SLC9A9: variants seen among roughly 807,000 people sequenced by gnomAD.
SLC9A9 encodes the protein sodium/hydrogen exchanger 9.
A neutral mutation model predicts 77.8 loss-of-function variants in SLC9A9; 62 were observed. The observed-to-expected ratio is 0.80, with a 90% CI of 0.65 to 0.98. SLC9A9 has a LOEUF of 0.98. SLC9A9 is among the 50% of genes least tolerant of loss of function. SLC9A9 has a pLI of 0.00. For missense variants in SLC9A9, 775 were observed against 774.9 expected (o/e 1.00, Z 0.00); for synonymous variants, 320 against 283.5 (o/e 1.13, Z -1.29).
chr3:143,421,748 TTAAAC>T (rs1455308181), intron 12 of SLC9A9, among the ~76,000 whole-genome samples: 4 of 152,036 alleles, frequency 2.6e-5, no homozygotes, highest in Admixed American at 1.3e-4. Context: ...CAAGCAGAAC[TTAAAC>T]TAAAGAGCTT....
intron 12 of SLC9A9, among the ~76,000 whole-genome samples, chr3:143,408,410 T>G (rs925946093): frequency 6.6e-6 from 1 of 152,204 alleles, no homozygotes; most frequent in Non-Finnish European, 1.5e-5. Context: ...AACTCACAGC[T>G]AGCAATGTTC....
At chr3:143,613,037 T>C (rs2038047363) in intron 6 of SLC9A9, among the ~76,000 whole-genome samples, 1 of 152,356 alleles carries the variant, frequency 6.6e-6, no homozygotes, top group South Asian at 2.1e-4. Context: ...CCCAATAACA[T>C]ACTGCTTGTA....
intron 4 of SLC9A9, among the ~76,000 whole-genome samples, chr3:143,702,475 A>T (rs1211078472): frequency 6.6e-6 from 1 of 152,136 alleles, no homozygotes; most frequent in South Asian, 2.1e-4. Flanking sequence ...TTGTTTGCTT[A>T]TGCAAACAGT....
intron 5 of SLC9A9, among the ~76,000 whole-genome samples, chr3:143,657,394 A>T (rs1391690781): frequency 6.6e-6 from 1 of 152,164 alleles, no homozygotes; most frequent in Non-Finnish European, 1.5e-5. Flanking sequence ...GCATGCACAC[A>T]CTTGTAGCCT....
At chr3:143,428,294 G>A (rs548118858) in intron 12 of SLC9A9, among the ~76,000 whole-genome samples, 30 of 66,142 alleles carry the variant, frequency 4.5e-4, no homozygotes, top group African/African-American at 1.9e-3. Flanking sequence ...ACATTTTTCA[G>A]AATATACAAA....
At chr3:143,803,824 C>T (rs186621422) in intron 2 of SLC9A9, among the ~76,000 whole-genome samples, 36 of 152,204 alleles carry the variant, frequency 2.4e-4, no homozygotes, top group African/African-American at 7.9e-4. Flanking sequence ...ACAGACTGGG[C>T]GACATCTCCT....
chr3:143,677,880 G>A (rs1444552969), intron 5 of SLC9A9, among the ~76,000 whole-genome samples: 2 of 145,634 alleles, frequency 1.4e-5, no homozygotes, highest in Non-Finnish European at 3.0e-5. Flanking sequence ...AGGCTGGAGT[G>A]CAGTGGCACA....
chr3:143,442,646 C>T lies in SLC9A9; in HGVS notation c.1469+24391G>A, dbSNP rs141111973. On this transcript the variant is annotated intron_variant, in intron 12 of 15. Coordinates refer to ENST00000316549, the MANE Select transcript of SLC9A9 (RefSeq NM_173653.4). ...TGAGGGAGGGAGAATTGCTTGAACCCGGGAGGCAGAGGTTGCAGTGAGCCA... is the reference window on the plus strand; with the variant it reads ...TGAGGGAGGGAGAATTGCTTGAACCTGGGAGGCAGAGGTTGCAGTGAGCCA... Among the ~76,000 whole-genome samples, 720 of 152,288 alleles carry T rather than the reference C, an allele frequency of 4.7e-3. 6 individuals carry two copies. Among genetic ancestry groups the T allele is most frequent in the African/African-American group, 0.016 (682 of 41,552 alleles).
intron 12 of SLC9A9, among the ~76,000 whole-genome samples, chr3:143,440,036 T>G (rs971352768): frequency 3.0e-4 from 46 of 152,332 alleles, no homozygotes; most frequent in African/African-American, 1.1e-3. Context: ...CAATGCATAC[T>G]ACATTGTTTT....
chr3:143,786,146 C>T lies in SLC9A9; in HGVS notation c.533+8855G>A, dbSNP rs557953940. ...CTGGGATTACAGGCGTGAGCCACCG[C>T]GCCCGGCCAACTTGAATTTTTCATT... On this transcript the variant is annotated intron_variant, in intron 4 of 15. Coordinates refer to ENST00000316549, the MANE Select transcript of SLC9A9 (RefSeq NM_173653.4). Among the ~76,000 whole-genome samples, 8 of 152,120 alleles carry T rather than the reference C, an allele frequency of 5.3e-5. No homozygotes were observed. In the East Asian group the frequency reaches 5.8e-4, roughly 11 times the overall value.
At chr3:143,366,061 G>C (rs952742118) in intron 13 of SLC9A9, among the ~76,000 whole-genome samples, 8 of 152,322 alleles carry the variant, frequency 5.3e-5, no homozygotes, top group African/African-American at 1.7e-4. Flanking sequence ...AAAGGAATGA[G>C]AGCAAATTCC....
intron 13 of SLC9A9, among the ~76,000 whole-genome samples, chr3:143,366,288 C>T (rs2032899493): frequency 1.3e-5 from 2 of 152,148 alleles, no homozygotes; most frequent in South Asian, 4.1e-4. Flanking sequence ...TTTTTCAATT[C>T]TCACTCTATC....
chr3:143,365,430 A>G (rs72992127), intron 13 of SLC9A9, among the ~76,000 whole-genome samples: 3,433 of 152,282 alleles, frequency 0.023, 152 homozygotes, highest in African/African-American at 0.078. Flanking sequence ...TAAAAGTTAA[A>G]AAAGAAAGGA....
intron 4 of SLC9A9, among the ~76,000 whole-genome samples, chr3:143,748,792 T>C (rs1031853382): frequency 2.0e-5 from 3 of 149,316 alleles, no homozygotes; most frequent in Admixed American, 6.7e-5. Context: ...CAAGCTCCGC[T>C]TCCTGGGTTC....
chr3:143,832,676 G>A (rs2009466887), intron 1 of SLC9A9, among the ~76,000 whole-genome samples: 1 of 150,380 alleles, frequency 6.6e-6, no homozygotes, highest in Non-Finnish European at 1.5e-5. Context: ...AGGTGTTCTT[G>A]TTCTCTCTCT....
chr3:143,363,698 G>T (rs933949881), intron 13 of SLC9A9, 135 bp from the exon 14 acceptor site: 2 of 740,712 alleles, frequency 2.7e-6, no homozygotes, highest in Admixed American at 5.2e-5. Flanking sequence ...TCATCTAAAT[G>T]GTGAAGCAGT....
At chr3:143,665,181 T>C (rs1247118332) in intron 5 of SLC9A9, among the ~76,000 whole-genome samples, 1 of 152,216 alleles carries the variant, frequency 6.6e-6, no homozygotes, top group African/African-American at 2.4e-5. Flanking sequence ...ATTAAGAAAC[T>C]CACTCAAAAC....
At chr3:143,391,686 G>T (rs539388952) in intron 12 of SLC9A9, among the ~76,000 whole-genome samples, 2 of 152,190 alleles carry the variant, frequency 1.3e-5, no homozygotes, top group Admixed American at 6.5e-5. Context: ...CCCTGGCAAA[G>T]AAGCTAAAAA....
intron 6 of SLC9A9, among the ~76,000 whole-genome samples, chr3:143,617,423 C>T (rs1390369042): frequency 1.3e-5 from 2 of 152,200 alleles, no homozygotes; most frequent in Middle Eastern, 3.2e-3. Flanking sequence ...TGACTGAACC[C>T]TGGATTAGAA....
Sources: gnomAD v4.1 joint callset for allele counts (sites outside exome capture counted in the v4.1 genomes callset) on GRCh38, gnomAD v4.1.1 for gene constraint, MANE v1.5 for transcripts, NCBI Gene and HGNC (gene_info 2026-07-23, HGNC 2026-07-21) for gene names.